The following PSG7 variants were observed in gnomAD, a reference collection of about 807,000 sequenced individuals.
PSG7 encodes pregnancy specific beta-1-glycoprotein 7, also known as pregnancy-specific beta-1-glycoprotein 7.
PSG7 carries 57 observed loss-of-function variants against 45.6 expected under a neutral mutation model. The observed-to-expected ratio is 1.25, with a 90% CI of 1.01 to 1.56. The LOEUF (loss-of-function observed/expected upper bound fraction) is 1.56. PSG7 is among the 40% of genes most tolerant of loss of function. PSG7 has a pLI of 0.00. For synonymous variants in PSG7, 298 were observed against 194.4 expected, an observed-to-expected ratio of 1.53 and a Z score of -4.43; for missense variants, 796 against 508.4, an observed-to-expected ratio of 1.57 and a Z score of -5.44.
intron 5 of PSG7, 64 bp from the exon 6 acceptor site, chr19:42,924,888 A>G: frequency 3.9e-6 from 3 of 763,420 alleles, no homozygotes; most frequent in Non-Finnish European, 7.2e-6. Flanking sequence ...CAGGTGTACT[A>G]CGGTTTTATT....
At chr19:42,930,659 A>G (rs1972999520) in intron 2 of PSG7, among the ~76,000 whole-genome samples, 1 of 151,662 alleles carries the variant, frequency 6.6e-6, no homozygotes, top group African/African-American at 2.4e-5. Flanking sequence ...ACTTTCTCTC[A>G]TTAGACATTC....
intron 2 of PSG7, among the ~76,000 whole-genome samples, chr19:42,931,564 C>G (rs1185313476): frequency 2.0e-5 from 3 of 151,606 alleles, no homozygotes; most frequent in Non-Finnish European, 4.4e-5. Flanking sequence ...TCTTCATTTT[C>G]TCTTAAGCTC....
rs114636996 is a variant in PSG7, at chr19:42,935,425, G to T, written c.409C>A (p.Arg137Ser). ...RGDGTGGVTGRFTFTLYLETP... is the reference protein window; with the variant it reads ...RGDGTGGVTGSFTFTLYLETP... Reference sequence around the variant, plus strand: ...TCACGGTATAAGGTGAAGGTGAAACGTCCAGTTACTCCTCCAGTCCCATCA... The same window carrying T: ...TCACGGTATAAGGTGAAGGTGAAACTTCCAGTTACTCCTCCAGTCCCATCA... The change falls in exon 2 of 6, where the codon CGT becomes AGT. Residue 137 changes from arginine (R) to serine (S), a missense_variant. Coordinates refer to ENST00000406070, the MANE Select transcript of PSG7 (RefSeq NM_002783.3). 1.4e-5 allele frequency: 23 copies of T among 1,611,638 alleles called. No individual in the cohort carries two copies. The African/African-American group carries it at 2.8e-4, about 20-fold the overall frequency.
intron 2 of PSG7, among the ~76,000 whole-genome samples, chr19:42,931,356 C>T (rs535392291): frequency 2.8e-4 from 43 of 151,544 alleles, no homozygotes; most frequent in Admixed American, 4.0e-4. Context: ...TTTGAATTAG[C>T]AGCTCCTTAA....
chr19:42,931,618 G>T (rs1405798676), intron 2 of PSG7, among the ~76,000 whole-genome samples: 16 of 151,382 alleles, frequency 1.1e-4, no homozygotes, highest in Non-Finnish European at 2.2e-4. Context: ...TTAGTAAGAG[G>T]CTAAGTGAGA....
Position 42,926,147 on chromosome 19 carries a change from C to T in PSG7, c.989-120G>A, listed in dbSNP as rs1399671608. On this transcript the variant is annotated intron_variant, in intron 4 of 5. Transcript: ENST00000406070. ...ACACACCCTCAAGTGACAGCCAAAT[C>T]CCCTCTATGTTCACTGAGCCGAAGC... is the stretch of plus-strand genomic sequence containing the variant. 4.0e-6 allele frequency: 6 copies of T among 1,488,334 alleles called. 1 individual carries two copies. In the East Asian group the frequency reaches 9.1e-5, roughly 23 times the overall value. The allele number at this position is 1,488,334 out of a possible 1,614,324, so 92.2% of individuals were successfully genotyped here.
chr19:42,930,207 C>A (rs1828696415), intron 2 of PSG7, among the ~76,000 whole-genome samples: 1 of 151,648 alleles, frequency 6.6e-6, no homozygotes, highest in African/African-American at 2.4e-5. Context: ...TACTGGAAAG[C>A]CTGGCCTGGG....
chr19:42,930,465 C>A (rs553413550), intron 2 of PSG7, among the ~76,000 whole-genome samples: 4 of 151,654 alleles, frequency 2.6e-5, no homozygotes, highest in African/African-American at 9.7e-5. Context: ...CATGATGCTC[C>A]CTTTCCCCTG....
chr19:42,933,291 A>ATTT (rs1448066448), intron 2 of PSG7, among the ~76,000 whole-genome samples: 1 of 9,706 alleles, frequency 1.0e-4, no homozygotes, highest in African/African-American at 3.1e-4. Flanking sequence ...ATATATATAT[A>ATTT]TATATATATA....
chr19:42,932,992 C>G (rs1283845091), intron 2 of PSG7, among the ~76,000 whole-genome samples: 1 of 150,392 alleles, frequency 6.6e-6, no homozygotes, highest in Non-Finnish European at 1.5e-5. Context: ...CGGCTGACCT[C>G]ATCTATACCT....
At chr19:42,930,856 A>G (rs80093105) in intron 2 of PSG7, among the ~76,000 whole-genome samples, 3 of 151,776 alleles carry the variant, frequency 2.0e-5, no homozygotes, top group Admixed American at 1.3e-4. Context: ...CCTCATGCCT[A>G]TAGTTCATAC....
intron 2 of PSG7, among the ~76,000 whole-genome samples, chr19:42,932,933 G>A (rs958872365): frequency 2.7e-5 from 4 of 150,836 alleles, no homozygotes; most frequent in Non-Finnish European, 5.9e-5. Flanking sequence ...ATTGTAGAAC[G>A]TGAGATTGGT....
intron 2 of PSG7, among the ~76,000 whole-genome samples, chr19:42,931,020 C>T (rs1366193036): frequency 1.3e-5 from 2 of 151,604 alleles, no homozygotes; most frequent in Non-Finnish European, 2.9e-5. Flanking sequence ...TTCTTTTTAG[C>T]ATCACATCAG....
intron 2 of PSG7, 46 bp from the exon 3 acceptor site, chr19:42,929,766 C>G: frequency 6.3e-7 from 1 of 1,586,132 alleles, no homozygotes; most frequent in Non-Finnish European, 8.6e-7. Context: ...GCACCTTTGA[C>G]TCCTCCAAAG....
intron 2 of PSG7, among the ~76,000 whole-genome samples, chr19:42,933,611 C>T (rs1207406852): frequency 6.7e-6 from 1 of 150,290 alleles, no homozygotes; most frequent in Non-Finnish European, 1.5e-5. Flanking sequence ...AACAGTCAGC[C>T]TAGTTAGAGG....
In PSG7 at chr19:42,926,533, G is replaced by A. The variant is rs528891743; in HGVS notation, c.893C>T (p.Pro298Leu). Residue 298 changes from proline (P) to leucine (L), a missense_variant, in exon 4 of 6, where the codon CCC becomes CTC. By Grantham distance (98) the Pro-to-Leu change is moderately conservative. Transcript: ENST00000406070. ...RRIENRILIL[P>L]SVTRNETGPY... is the part of the protein sequence containing the mutation. ...TCCTGTTTCATTTCTCGTGACACTG[G>A]GTAGAATGAGGATCCTGTTTTCAAT... 9 of 1,610,648 alleles carry A rather than the reference G, an allele frequency of 5.6e-6. No homozygotes were observed. The Admixed American group carries it at 1.0e-4, about 18-fold the overall frequency.
intron 5 of PSG7, 115 bp from the exon 6 acceptor site, chr19:42,924,939 C>G: frequency 2.8e-6 from 2 of 721,100 alleles, no homozygotes; most frequent in Non-Finnish European, 5.1e-6. Flanking sequence ...TCTAGTTTTA[C>G]CAATGATAAT....
Position 42,930,173 on chromosome 19 carries a change from C to T in PSG7, c.431-453G>A, listed in dbSNP as rs192496671. Among the ~76,000 whole-genome samples, 27 of 151,794 alleles carry T rather than the reference C, an allele frequency of 1.8e-4. No homozygotes were observed. In the East Asian group the frequency reaches 4.7e-3, roughly 26 times the overall value. On this transcript the variant is annotated intron_variant, in intron 2 of 5. Transcript: ENST00000406070. ...ATCCTAGAGATGGATGATGGAACTT[C>T]CCATTGTCCTTAAACCCTTTGGGTA...
chr19:42,929,610 A>G lies in PSG7; in HGVS notation c.541T>C (p.Trp181Arg). ...ATAGGGAGGCTCTGACCATTCATCC[A>G]CCACAGGTAGCTTGCATCTGGAGTC... Reference protein sequence around the residue: ...PETPDASYLWWMNGQSLPMTH... With the variant: ...PETPDASYLWRMNGQSLPMTH... Residue 181 changes from tryptophan (W) to arginine (R), a missense_variant, in exon 3 of 6, where the codon TGG (tryptophan) becomes CGG (arginine). Coordinates refer to ENST00000406070, the MANE Select transcript of PSG7 (RefSeq NM_002783.3). 6.2e-7 allele frequency: 1 copy of G among 1,612,540 alleles called. No homozygotes were observed. The highest frequency in any genetic ancestry group is 1.1e-5 in the South Asian group (1 of 90,840).
Sources: gnomAD v4.1 joint callset for allele counts (sites outside exome capture counted in the v4.1 genomes callset) on GRCh38, gnomAD v4.1.1 for gene constraint, MANE v1.5 for transcripts, NCBI Gene and HGNC (gene_info 2026-07-23, HGNC 2026-07-21) for gene names.